The following NAV3 variants were observed in gnomAD, a reference collection of about 807,000 sequenced individuals.
The protein encoded by NAV3 is neuron navigator 3, also known as pore membrane and/or filament interacting like protein 1.
In NAV3, 87 loss-of-function variants were observed where a neutral mutation model predicts 244.7. The ratio of observed to expected loss-of-function variants is 0.36; its 90% CI spans 0.30 to 0.42. The LOEUF (loss-of-function observed/expected upper bound fraction) is 0.42, where lower values mean the gene tolerates loss of function less well. Ranked by LOEUF, NAV3 falls within the 20% of genes least tolerant of loss-of-function variation. The pLI is 1.00. For missense variants in NAV3, 2,663 were observed against 2,893.3 expected, an observed-to-expected ratio of 0.92 and a Z score of 1.83; for synonymous variants, 1,126 against 1,042.2, an observed-to-expected ratio of 1.08 and a Z score of -1.55.
rs369421801 is a variant in NAV3, at chr12:77,967,409, G to A, written c.487+1108G>A. ...GATGAAGCCAACTCTTCAATATGAC[G>A]AAAACTATGAGAAATGTTTGGGGGA... On this transcript the variant is annotated intron_variant, in intron 4 of 39. Coordinates refer to ENST00000397909, the MANE Select transcript of NAV3 (RefSeq NM_001024383.2). Among the ~76,000 whole-genome samples the A allele has an allele frequency of 4.8e-4, 73 of 152,134 alleles. No homozygotes were observed. The South Asian group carries it at 0.013, about 27-fold the overall frequency.
At chr12:78,140,391 A>G in intron 20 of NAV3, 57 bp downstream of exon 20, 1 of 1,372,308 alleles carries the variant, frequency 7.3e-7, no homozygotes, top group Non-Finnish European at 1.0e-6. Flanking sequence ...CAGATGATGA[A>G]ATAGATCATT....
At chr12:77,748,110 A>C (rs1363072421) in intron 2 of NAV3, among the ~76,000 whole-genome samples, 1 of 152,262 alleles carries the variant, frequency 6.6e-6, no homozygotes, top group Non-Finnish European at 1.5e-5. Flanking sequence ...TAGCATGTGA[A>C]TATAACAATG....
intron 2 of NAV3, among the ~76,000 whole-genome samples, chr12:77,691,685 T>A: frequency 6.6e-6 from 1 of 151,848 alleles, no homozygotes; most frequent in South Asian, 2.1e-4. Context: ...TTTATTAAGG[T>A]GTATCTTATT....
intron 1 of NAV3, among the ~76,000 whole-genome samples, chr12:77,928,994 C>G (rs1888507160): frequency 6.6e-6 from 1 of 152,128 alleles, no homozygotes. Context: ...GTCCATCTGG[C>G]TTTATGGTCA....
At chr12:78,050,177 A>G (rs576690262) in intron 10 of NAV3, 76 bp downstream of exon 10, 22 of 973,148 alleles carry the variant, frequency 2.3e-5, no homozygotes, top group Non-Finnish European at 3.3e-5. Context: ...TTTTCTTATA[A>G]TGACAGAGAT....
intron 9 of NAV3, among the ~76,000 whole-genome samples, chr12:78,031,216 TG>T (rs1488591195): frequency 6.6e-6 from 1 of 152,122 alleles, no homozygotes; most frequent in Non-Finnish European, 1.5e-5. Context: ...GGGGTTTAGG[TG>T]AGTTAGGAGT....
rs191840127 is a variant in NAV3, at chr12:78,170,493, C to T, written c.4981+1627C>T. On this transcript the variant is annotated intron_variant, in intron 24 of 39. Coordinates refer to ENST00000397909, the MANE Select transcript of NAV3 (RefSeq NM_001024383.2). ...TTATCCTGCTTTACACCAGTCTTCA[C>T]GCTGAAGCCAGAATAGTCATTAAGA... 5.7e-4 allele frequency among the ~76,000 whole-genome samples: 87 copies of T among 151,842 alleles called. 1 individual carries two copies. In the East Asian group the frequency reaches 0.014, roughly 24 times the overall value.
At chr12:77,949,124 C>A (rs964156648) in intron 3 of NAV3, among the ~76,000 whole-genome samples, 4 of 151,936 alleles carry the variant, frequency 2.6e-5, no homozygotes. Context: ...TCACACCTGC[C>A]TTCTATTAGC....
chr12:77,794,740 A>G (rs1871330500), intron 2 of NAV3, among the ~76,000 whole-genome samples: 1 of 152,154 alleles, frequency 6.6e-6, no homozygotes. Context: ...TGATATTTCC[A>G]ATTTTTTAAT....
chr12:77,739,036 AAAG>A (rs77092635), intron 2 of NAV3, among the ~76,000 whole-genome samples: 1 of 150,772 alleles, frequency 6.6e-6, no homozygotes, highest in Admixed American at 6.6e-5. Context: ...AAAAAAAAAA[AAAG>A]ACTACAGGTT....
intron 11 of NAV3, among the ~76,000 whole-genome samples, chr12:78,058,448 C>T (rs1051275084): frequency 1.3e-5 from 2 of 152,112 alleles, no homozygotes; most frequent in Non-Finnish European, 2.9e-5. Flanking sequence ...TATCTGCCCC[C>T]TCCCTTGACA....
At chr12:77,886,260 C>G (rs958873782) in intron 1 of NAV3, among the ~76,000 whole-genome samples, 5 of 152,132 alleles carry the variant, frequency 3.3e-5, no homozygotes, top group African/African-American at 1.2e-4. Flanking sequence ...TTTCTCCGCT[C>G]TAGTAACATT....
intron 8 of NAV3, among the ~76,000 whole-genome samples, chr12:78,020,223 A>T (rs1876921310): frequency 6.6e-6 from 1 of 152,170 alleles, no homozygotes. Flanking sequence ...TGGGAAACAC[A>T]CTGGAGAATT....
At chr12:77,797,344 C>T (rs956936084) in intron 2 of NAV3, among the ~76,000 whole-genome samples, 1 of 151,864 alleles carries the variant, frequency 6.6e-6, no homozygotes, top group African/African-American at 2.4e-5. Context: ...TTACTTTCTA[C>T]ATATGGTTTT....
At chr12:78,208,345 A>G (rs753727513) in intron 39 of NAV3, among the ~76,000 whole-genome samples, 3 of 152,162 alleles carry the variant, frequency 2.0e-5, no homozygotes, top group Non-Finnish European at 2.9e-5. Context: ...AACACCTCCC[A>G]CTACGACTCA....
intron 1 of NAV3, among the ~76,000 whole-genome samples, chr12:77,847,468 A>G (rs1214709797): frequency 6.6e-6 from 1 of 152,198 alleles, no homozygotes; most frequent in Non-Finnish European, 1.5e-5. Flanking sequence ...ATGTGAATCA[A>G]GCTGAGAAAA....
At chr12:78,022,102 A>C (rs1877251600) in intron 9 of NAV3, among the ~76,000 whole-genome samples, 1 of 152,132 alleles carries the variant, frequency 6.6e-6, no homozygotes. Flanking sequence ...GCCCTCAGTC[A>C]AGTAGTTGAA....
intron 2 of NAV3, among the ~76,000 whole-genome samples, chr12:77,668,574 C>A (rs1873823740): frequency 6.6e-6 from 1 of 151,906 alleles, no homozygotes; most frequent in Non-Finnish European, 1.5e-5. Flanking sequence ...TTAACCCAAT[C>A]CATCAAAGAC....
intron 1 of NAV3, among the ~76,000 whole-genome samples, chr12:77,879,901 T>TG (rs1405272508): frequency 6.6e-6 from 1 of 152,124 alleles, no homozygotes; most frequent in African/African-American, 2.4e-5. Context: ...CCTAGAGATG[T>TG]GCGTTCAAAT....
Sources: gnomAD v4.1 joint callset for allele counts (sites outside exome capture counted in the v4.1 genomes callset) on GRCh38, gnomAD v4.1.1 for gene constraint, MANE v1.5 for transcripts, NCBI Gene and HGNC (gene_info 2026-07-23, HGNC 2026-07-21) for gene names.